Variants in HK2 observed in about 807,000 individuals in gnomAD.
HK2 encodes the protein hexokinase 2.
HK2 carries 42 observed loss-of-function variants against 92.9 expected under a neutral mutation model. The ratio of observed to expected loss-of-function variants is 0.45; its 90% CI spans 0.35 to 0.58. The LOEUF (loss-of-function observed/expected upper bound fraction) is 0.58, where lower values mean the gene tolerates loss of function less well. Ranked by LOEUF, HK2 falls within the 20% of genes least tolerant of loss-of-function variation. The pLI, the probability that HK2 is intolerant of heterozygous loss-of-function variation, is 0.00. For missense variants in HK2, 978 were observed against 1,245.1 expected (o/e 0.79, Z 3.23); for synonymous variants, 422 against 468.0 (o/e 0.90, Z 1.27).
At position 74,886,380 on chromosome 2, in the gene HK2, T is replaced by C. The variant is rs758631588; in HGVS notation, c.2022T>C (p.Val674=). 1.9e-6 allele frequency: 3 copies of C among 1,614,166 alleles called. No individual in the cohort carries two copies. The highest frequency in any genetic ancestry group is 2.5e-6 in the Non-Finnish European group (3 of 1,180,026). The change falls in exon 14 of 18, where the codon GTT becomes GTC. Residue 674 remains valine (V), a synonymous_variant. Transcript: ENST00000290573. The part of the protein sequence containing the change: ...TCGFEDPHCE[V]GLIVGTGSNA... ...GCTTTGAAGACCCTCACTGTGAAGT[T>C]GGCCTCATTGTTGGTAAGGACCCAG...
At chr2:74,854,130 A>C (rs952530371) in intron 1 of HK2, among the ~76,000 whole-genome samples, 163 bp from the exon 2 acceptor site, 1 of 151,636 alleles carries the variant, frequency 6.6e-6, no homozygotes, top group Non-Finnish European at 1.5e-5. Context: ...TTTTTTTAAG[A>C]CAAAGTCCTG....
chr2:74,873,467 T>A, intron 5 of HK2, 96 bp downstream of exon 5: 1 of 823,826 alleles, frequency 1.2e-6, no homozygotes, highest in Non-Finnish European at 2.1e-6. Flanking sequence ...TTTGCTTACG[T>A]GGAGCTTAAG....
intron 2 of HK2, among the ~76,000 whole-genome samples, chr2:74,864,419 C>T (rs184315395): frequency 2.6e-4 from 39 of 152,330 alleles, no homozygotes; most frequent in African/African-American, 8.2e-4. Context: ...CCTCCATGGC[C>T]TTGACAGGGA....
intron 12 of HK2, among the ~76,000 whole-genome samples, chr2:74,883,377 G>C (rs566397596): frequency 6.6e-6 from 1 of 152,318 alleles, no homozygotes; most frequent in South Asian, 2.1e-4. Flanking sequence ...CATACCTGGG[G>C]GATGTCAGGA....
Position 74,880,501 on chromosome 2 carries a change from A to G in HK2, c.1502A>G (p.Lys501Arg). 2 of 1,614,218 alleles carry G rather than the reference A, an allele frequency of 1.2e-6. No individual in the cohort carries two copies. Among genetic ancestry groups the G allele is most frequent in the East Asian group, 4.5e-5 (2 of 44,876 alleles). ...GTAGAAATGGAGCGAGGTCTGAGCAAGGAGACTCATGCCAGTGCCCCCGTC... is the reference window on the plus strand; with the variant it reads ...GTAGAAATGGAGCGAGGTCTGAGCAGGGAGACTCATGCCAGTGCCCCCGTC... ...MKVEMERGLSKETHASAPVKM... is the reference protein window; with the variant it reads ...MKVEMERGLSRETHASAPVKM... Residue 501 changes from lysine to arginine, a missense_variant, in exon 10 of 18, where the codon AAG becomes AGG. Physicochemically the swap from Lys to Arg is conservative, Grantham distance 26. Coordinates refer to ENST00000290573, the MANE Select transcript of HK2 (RefSeq NM_000189.5).
chr2:74,868,572 T>C (rs966055079), intron 3 of HK2, among the ~76,000 whole-genome samples: 5 of 152,240 alleles, frequency 3.3e-5, no homozygotes, highest in African/African-American at 1.2e-4. Context: ...TTCGTGTTTT[T>C]TTCACAGGGG....
intron 2 of HK2, among the ~76,000 whole-genome samples, chr2:74,866,632 C>T (rs1229435333): frequency 6.6e-6 from 1 of 152,180 alleles, no homozygotes; most frequent in African/African-American, 2.4e-5. Context: ...ACTGCACCTT[C>T]CCAGTGACAC....
intron 7 of HK2, among the ~76,000 whole-genome samples, chr2:74,875,959 C>T: frequency 6.6e-6 from 1 of 152,102 alleles, no homozygotes; most frequent in East Asian, 1.9e-4. Context: ...CAATTTTTGT[C>T]CCCTCTAATA....
At chr2:74,853,518 AAACAACAACAAC>A (rs146960066) in intron 1 of HK2, among the ~76,000 whole-genome samples, 36,778 of 143,270 alleles carry the variant, frequency 0.26, 5,804 homozygotes, top group African/African-American at 0.45. Flanking sequence ...CTCAGCCTCA[AAACAACAACAAC>A]AACAACAACA....
chr2:74,878,580 T>C, intron 8 of HK2, 108 bp from the exon 9 acceptor site: 1 of 851,486 alleles, frequency 1.2e-6, no homozygotes, highest in South Asian at 1.4e-5. Flanking sequence ...CTGTCCCCAC[T>C]GGGTGGTGAA....
At chr2:74,882,605 T>TTATATATATATATATATGTATATATATA (rs141761906) in intron 12 of HK2, among the ~76,000 whole-genome samples, 1 of 75,660 alleles carries the variant, frequency 1.3e-5, no homozygotes, top group Non-Finnish European at 3.1e-5. Flanking sequence ...TCTATTGAAC[T>TTATATATATATATATATGTATATATATA]TATATATATA....
chr2:74,853,851 C>T (rs767853024), intron 1 of HK2, among the ~76,000 whole-genome samples: 7 of 152,014 alleles, frequency 4.6e-5, no homozygotes, highest in South Asian at 2.1e-4. Context: ...GAGGTAAAAG[C>T]GGAACTGGGG....
Position 74,878,879 on chromosome 2 carries a change from C to A in HK2, c.1223C>A (p.Ser408Tyr). 3 of 1,551,876 alleles carry A rather than the reference C, an allele frequency of 1.9e-6. No homozygotes were observed. The highest frequency in any genetic ancestry group is 2.6e-6 in the Non-Finnish European group (3 of 1,147,202). Residue 408 changes from serine to tyrosine, a missense_variant, in exon 9 of 18, where the codon TCT (serine) becomes TAT (tyrosine). Coordinates refer to ENST00000290573, the MANE Select transcript of HK2 (RefSeq NM_000189.5). ...AACAAAGGCGAGGAGCGGCTGCGCT[C>A]TACTATTGGGGTCGACGGTTCCGTC... ...KENKGEERLRSTIGVDGSVYK... is the reference protein window; with the variant it reads ...KENKGEERLRYTIGVDGSVYK...
chr2:74,860,788 A>T (rs979495567), intron 2 of HK2, among the ~76,000 whole-genome samples: 1 of 152,204 alleles, frequency 6.6e-6, no homozygotes, highest in Non-Finnish European at 1.5e-5. Context: ...AGAATTTGGT[A>T]TATGTTTAAT....
intron 16 of HK2, among the ~76,000 whole-genome samples, chr2:74,888,458 A>G (rs1373768743): frequency 6.6e-6 from 1 of 152,236 alleles, no homozygotes; most frequent in African/African-American, 2.4e-5. Context: ...GATTGAGTAA[A>G]GGTTGGAACG....
At chr2:74,873,599 G>C (rs750703698) in intron 5 of HK2, among the ~76,000 whole-genome samples, 2 of 152,146 alleles carry the variant, frequency 1.3e-5, no homozygotes, top group Non-Finnish European at 2.9e-5. Flanking sequence ...AAGCTCTTTA[G>C]TTCTTAACCT....
intron 2 of HK2, among the ~76,000 whole-genome samples, chr2:74,855,581 G>A (rs549093980): frequency 3.9e-5 from 6 of 152,322 alleles, no homozygotes; most frequent in African/African-American, 1.2e-4. Context: ...ATTTAATCAG[G>A]CAGGGGAAAA....
chr2:74,872,439 C>T lies in HK2; in HGVS notation c.495+20C>T. The T allele has an allele frequency of 1.9e-6, 3 of 1,613,592 alleles. No individual in the cohort carries two copies. The highest frequency in any genetic ancestry group is 2.5e-6 in the Non-Finnish European group (3 of 1,179,670). On this transcript the variant is annotated intron_variant, in intron 4 of 17. Transcript: ENST00000290573. Reference sequence around the variant, plus strand: ...GACGAGGTAAGATGGGCTCCTCAGACACTTGTTGCTTCACTCTTGGGGCTG... The same window carrying T: ...GACGAGGTAAGATGGGCTCCTCAGATACTTGTTGCTTCACTCTTGGGGCTG...
Position 74,882,339 on chromosome 2 carries a change from G to A in HK2, c.1839+100G>A. The A allele has an allele frequency of 2.5e-6, 4 of 1,580,632 alleles. No individual in the cohort carries two copies. In the South Asian group the frequency reaches 4.5e-5, roughly 18 times the overall value. On this transcript the variant is annotated intron_variant, in intron 12 of 17. Coordinates refer to ENST00000290573, the MANE Select transcript of HK2 (RefSeq NM_000189.5). Reference sequence around the variant, plus strand: ...GGGAGAAAGTTGAGCTAAGACTAAGGAAAGGAGGGCGTGAGTTACCAGTAG... The same window carrying A: ...GGGAGAAAGTTGAGCTAAGACTAAGAAAAGGAGGGCGTGAGTTACCAGTAG...
Sources: gnomAD v4.1 joint callset for allele counts (sites outside exome capture counted in the v4.1 genomes callset) on GRCh38, gnomAD v4.1.1 for gene constraint, MANE v1.5 for transcripts, NCBI Gene and HGNC (gene_info 2026-07-23, HGNC 2026-07-21) for gene names.